Variants in ROBO1 observed in about 807,000 individuals in gnomAD.
ROBO1 encodes the protein roundabout guidance receptor 1.
In ROBO1, 149 loss-of-function variants were observed where a neutral mutation model predicts 195.9. That is an observed-to-expected ratio of 0.76 (90% CI 0.67 to 0.87). The LOEUF (loss-of-function observed/expected upper bound fraction) is 0.87. ROBO1 is among the 40% of genes least tolerant of loss of function. The pLI is 0.00. For synonymous variants in ROBO1, 816 were observed against 733.2 expected (o/e 1.11, Z -1.82); for missense variants, 1,933 against 2,068.3 (o/e 0.93, Z 1.27).
intron 2 of ROBO1, among the ~76,000 whole-genome samples, chr3:79,467,348 C>A (rs896536949): frequency 6.6e-6 from 1 of 151,832 alleles, no homozygotes; most frequent in African/African-American, 2.4e-5. Flanking sequence ...AGCCTGGAGA[C>A]CCATAGCCCT....
At chr3:79,500,155 A>T (rs1405793614) in intron 2 of ROBO1, among the ~76,000 whole-genome samples, 1 of 108,220 alleles carries the variant, frequency 9.2e-6, no homozygotes, top group Non-Finnish European at 1.7e-5. Flanking sequence ...TTTTGAGAAG[A>T]AGTCTCGCTC....
intron 3 of ROBO1, among the ~76,000 whole-genome samples, chr3:79,062,009 T>C (rs185129231): frequency 2.6e-5 from 4 of 152,140 alleles, no homozygotes; most frequent in Non-Finnish European, 4.4e-5. Flanking sequence ...TGGGATCTCA[T>C]TAAACTAAAG....
chr3:78,682,418 C>G (rs1177603419), intron 10 of ROBO1, among the ~76,000 whole-genome samples: 1 of 148,720 alleles, frequency 6.7e-6, no homozygotes, highest in Non-Finnish European at 1.5e-5. Flanking sequence ...TATATACACA[C>G]AAATATATAT....
rs1444445137 is a variant in ROBO1 at position 78,933,097 on chromosome 3, T to C, written c.499+5504A>G. 2.6e-5 allele frequency among the ~76,000 whole-genome samples: 4 copies of C among 152,244 alleles called. No individual in the cohort carries two copies. The East Asian group carries it at 7.7e-4, about 29-fold the overall frequency. ...AGCCTATAATCTGTTTAACTAAGCA[T>C]AGTTTTAAGATAGACTATAACCTGA... On this transcript the variant is annotated intron_variant, in intron 4 of 30. Transcript: ENST00000464233.
intron 2 of ROBO1, among the ~76,000 whole-genome samples, chr3:79,476,411 T>A (rs1229767633): frequency 6.6e-6 from 1 of 152,114 alleles, no homozygotes; most frequent in Non-Finnish European, 1.5e-5. Flanking sequence ...CTACTGAGTA[T>A]CTACTCAGAG....
At chr3:78,659,359 T>C (rs551472223) in intron 17 of ROBO1, among the ~76,000 whole-genome samples, 1 of 152,304 alleles carries the variant, frequency 6.6e-6, no homozygotes, top group South Asian at 2.1e-4. Context: ...CTTAAAATTC[T>C]GCTCAGGATA....
chr3:78,629,763 A>C (rs895101812), intron 25 of ROBO1, among the ~76,000 whole-genome samples: 27 of 151,970 alleles, frequency 1.8e-4, no homozygotes, highest in Non-Finnish European at 2.4e-4. Context: ...TTATTTGTAA[A>C]CCCCCAAATT....
intron 4 of ROBO1, among the ~76,000 whole-genome samples, chr3:78,784,218 C>T (rs1321204872): frequency 6.6e-6 from 1 of 151,992 alleles, no homozygotes; most frequent in Admixed American, 6.6e-5. Context: ...TCACAAACTA[C>T]CTTCTAAATA....
intron 2 of ROBO1, among the ~76,000 whole-genome samples, chr3:79,495,527 A>G (rs145929094): frequency 0.011 from 1,600 of 152,300 alleles, 24 homozygotes; most frequent in Middle Eastern, 0.041. Flanking sequence ...TTACAGAATT[A>G]AATGGAAAGT....
chr3:79,454,346 T>C (rs1575846698), intron 2 of ROBO1, among the ~76,000 whole-genome samples: 1 of 152,144 alleles, frequency 6.6e-6, no homozygotes, highest in Admixed American at 6.6e-5. Flanking sequence ...ACTCAAGTTA[T>C]ACTATTTTTA....
At chr3:79,391,111 C>A (rs1002324563) in intron 2 of ROBO1, among the ~76,000 whole-genome samples, 2 of 147,916 alleles carry the variant, frequency 1.4e-5, no homozygotes, top group South Asian at 4.3e-4. Flanking sequence ...ATAGCAGGAC[C>A]CTGTCTCTAC....
intron 3 of ROBO1, among the ~76,000 whole-genome samples, chr3:79,046,467 T>A (rs1209846573): frequency 6.6e-6 from 1 of 152,058 alleles, no homozygotes; most frequent in African/African-American, 2.4e-5. Flanking sequence ...AACATATATA[T>A]AATAACTATA....
At chr3:78,659,896 A>T in intron 16 of ROBO1, 89 bp from the exon 17 acceptor site, 5 of 866,870 alleles carry the variant, frequency 5.8e-6, no homozygotes, top group Non-Finnish European at 8.4e-6. Context: ...TAATAGATGT[A>T]TTAATACTAT....
At position 78,787,682 on chromosome 3, in the gene ROBO1, G is replaced by A. The variant is rs117219781; in HGVS notation, c.500-40782C>T. On this transcript the variant is annotated intron_variant, in intron 4 of 30. Transcript: ENST00000464233. ...ACTCTGGTCAGGTGCGGTGGCTAAT[G>A]CCTATAATCCAGCACTTTGGGAGAC... 2.2e-3 allele frequency among the ~76,000 whole-genome samples: 329 copies of A among 152,234 alleles called. 2 individuals are homozygous for A. Among genetic ancestry groups the A allele is most frequent in the Admixed American group, 0.012 (178 of 15,300 alleles).
At chr3:79,351,721 A>T (rs2035349925) in intron 2 of ROBO1, among the ~76,000 whole-genome samples, 1 of 152,156 alleles carries the variant, frequency 6.6e-6, no homozygotes, top group Non-Finnish European at 1.5e-5. Flanking sequence ...TTAATGAAAG[A>T]AAAAGCAAAA....
intron 2 of ROBO1, among the ~76,000 whole-genome samples, chr3:79,281,215 GA>G (rs559112959): frequency 6.6e-6 from 1 of 152,078 alleles, no homozygotes; most frequent in South Asian, 2.1e-4. Context: ...TGAAAGTTCA[GA>G]AAATCCACTT....
At chr3:79,246,945 C>A (rs1426564171) in intron 2 of ROBO1, among the ~76,000 whole-genome samples, 1 of 151,862 alleles carries the variant, frequency 6.6e-6, no homozygotes, top group African/African-American at 2.4e-5. Flanking sequence ...CAGAGTTAAT[C>A]CTTATAAAGC....
chr3:78,725,794 G>A (rs1332898662), intron 5 of ROBO1, among the ~76,000 whole-genome samples: 1 of 152,010 alleles, frequency 6.6e-6, no homozygotes, highest in East Asian at 1.9e-4. Context: ...TTTTGATTGG[G>A]TTATCCGAGA....
At chr3:79,030,404 T>C (rs2078273573) in intron 3 of ROBO1, among the ~76,000 whole-genome samples, 1 of 152,168 alleles carries the variant, frequency 6.6e-6, no homozygotes, top group South Asian at 2.1e-4. Context: ...AAAATGTCAA[T>C]AGTATCTAGA....
Sources: gnomAD v4.1 joint callset for allele counts (sites outside exome capture counted in the v4.1 genomes callset) on GRCh38, gnomAD v4.1.1 for gene constraint, MANE v1.5 for transcripts, NCBI Gene and HGNC (gene_info 2026-07-23, HGNC 2026-07-21) for gene names.